The following UGT1A10 variants were observed in gnomAD, a reference collection of about 807,000 sequenced individuals.
UGT1A10 encodes UDP glucuronosyltransferase family 1 member A10.
A neutral mutation model predicts 45.8 loss-of-function variants in UGT1A10; 49 were observed. The observed-to-expected ratio is 1.07, with a 90% CI of 0.85 to 1.36. UGT1A10 has a LOEUF of 1.36. Among genes scored for constraint, UGT1A10 ranks in the 40% most tolerant of loss-of-function variants. The pLI is 0.00. For synonymous variants in UGT1A10, 284 were observed against 249.7 expected (o/e 1.14, Z -1.29); for missense variants, 745 against 668.6 (o/e 1.11, Z -1.26).
At chr2:233,666,480 C>G (rs981169265) in intron 1 of UGT1A10, among the ~76,000 whole-genome samples, 3 of 152,122 alleles carry the variant, frequency 2.0e-5, no homozygotes, top group Admixed American at 1.3e-4. Context: ...TGTTTGCCAT[C>G]TGTGTACCTT....
intron 1 of UGT1A10, chr2:233,744,024 G>T: frequency 1.1e-6 from 1 of 951,358 alleles, no homozygotes; most frequent in Non-Finnish European, 1.4e-6. Flanking sequence ...CTGGAGAGAC[G>T]CCCCTTATGA....
intron 1 of UGT1A10, among the ~76,000 whole-genome samples, chr2:233,724,143 G>C: frequency 8.2e-6 from 1 of 122,326 alleles, no homozygotes; most frequent in African/African-American, 3.7e-5. Flanking sequence ...GGACGGGGCG[G>C]CTGGCCGGGT....
chr2:233,647,302 T>C (rs140647999), intron 1 of UGT1A10, among the ~76,000 whole-genome samples: 1 of 152,356 alleles, frequency 6.6e-6, no homozygotes, highest in African/African-American at 2.4e-5. Flanking sequence ...GCTGAAATAT[T>C]GTTTTACATT....
chr2:233,762,622 T>C (rs772893097), intron 1 of UGT1A10, among the ~76,000 whole-genome samples: 2 of 152,196 alleles, frequency 1.3e-5, no homozygotes, highest in African/African-American at 4.8e-5. Context: ...TGTTGTGACC[T>C]CAAACACTTC....
intron 1 of UGT1A10, among the ~76,000 whole-genome samples, chr2:233,724,591 T>C (rs2077285744): frequency 8.2e-6 from 1 of 122,228 alleles, no homozygotes; most frequent in Non-Finnish European, 1.7e-5. Context: ...TCCCCACATC[T>C]CAGACGATGG....
At chr2:233,693,466 C>T in intron 1 of UGT1A10, 1 of 1,614,120 alleles carries the variant, frequency 6.2e-7, no homozygotes, top group Middle Eastern at 1.6e-4. Flanking sequence ...CAGCCTTACC[C>T]TGTGGGGTGA....
intron 1 of UGT1A10, among the ~76,000 whole-genome samples, chr2:233,710,321 A>G (rs944922303): frequency 1.3e-5 from 2 of 152,202 alleles, no homozygotes; most frequent in African/African-American, 4.8e-5. Context: ...TGTATGTATG[A>G]CTTCATAAGA....
intron 1 of UGT1A10, chr2:233,729,362 C>G (rs777664797): frequency 6.2e-7 from 1 of 1,614,044 alleles, no homozygotes; most frequent in Non-Finnish European, 8.5e-7. Context: ...ACCCTGACAA[C>G]CTATGCCATT....
chr2:233,659,085 A>G (rs542141206), intron 1 of UGT1A10, among the ~76,000 whole-genome samples: 1 of 152,314 alleles, frequency 6.6e-6, no homozygotes, highest in Admixed American at 6.5e-5. Context: ...ACATATCTCT[A>G]TATTCAGATC....
chr2:233,752,978 A>G (rs961719654), intron 1 of UGT1A10, among the ~76,000 whole-genome samples: 31 of 152,180 alleles, frequency 2.0e-4, no homozygotes, highest in Middle Eastern at 3.2e-3. Flanking sequence ...AATTGTGTAG[A>G]TACAAACCCA....
chr2:233,765,059 C>A (rs917650453), intron 1 of UGT1A10, among the ~76,000 whole-genome samples: 1 of 152,076 alleles, frequency 6.6e-6, no homozygotes, highest in African/African-American at 2.4e-5. Context: ...TGAGCCCTGT[C>A]AGAGGTCTCC....
At chr2:233,734,842 C>T (rs1375644897) in intron 1 of UGT1A10, among the ~76,000 whole-genome samples, 1 of 152,178 alleles carries the variant, frequency 6.6e-6, no homozygotes, top group Non-Finnish European at 1.5e-5. Flanking sequence ...GTTTCTTAAT[C>T]CAGAGTTCTA....
intron 1 of UGT1A10, chr2:233,682,602 A>AT (rs1476036720): frequency 6.2e-7 from 1 of 1,613,674 alleles, no homozygotes; most frequent in African/African-American, 1.3e-5. Flanking sequence ...TTTTGCCCCT[A>AT]TTTTTTCAAA....
chr2:233,702,766 T>C (rs898157603), intron 1 of UGT1A10, among the ~76,000 whole-genome samples: 6 of 152,248 alleles, frequency 3.9e-5, no homozygotes, highest in East Asian at 1.9e-4. Context: ...TATGTGTTAA[T>C]TGATTTGCAG....
intron 1 of UGT1A10, chr2:233,693,983 G>A (rs1179737646): frequency 9.7e-6 from 15 of 1,552,110 alleles, no homozygotes; most frequent in African/African-American, 1.4e-5. Context: ...ACGGTGGGGG[G>A]AAGTGATACC....
rs2073533993 is a variant in UGT1A10, at chr2:233,644,044, G to C, written c.855+6667G>C. 3.3e-5 allele frequency among the ~76,000 whole-genome samples: 5 copies of C among 152,120 alleles called. No homozygotes were observed. The South Asian group carries it at 1.0e-3, about 32-fold the overall frequency. ...GGAGGAGTGATGTCGGTACTCCCTT[G>C]GCTGCTTCAGCTAGTGTTTCAGTAT... On this transcript the variant is annotated intron_variant, in intron 1 of 4. Coordinates refer to ENST00000344644, the MANE Select transcript of UGT1A10 (RefSeq NM_019075.4).
intron 1 of UGT1A10, among the ~76,000 whole-genome samples, chr2:233,687,425 G>A (rs1234842882): frequency 6.6e-6 from 1 of 151,954 alleles, no homozygotes; most frequent in Non-Finnish European, 1.5e-5. Context: ...GGCTTACCGT[G>A]TACCAGGTGC....
intron 1 of UGT1A10, among the ~76,000 whole-genome samples, chr2:233,662,532 G>T (rs371005016): frequency 1.2e-4 from 19 of 152,168 alleles, no homozygotes; most frequent in African/African-American, 3.9e-4. Context: ...CTTGGAGGTT[G>T]TTGTAGAGTT....
At chr2:233,754,017 T>C (rs1254861079) in intron 1 of UGT1A10, among the ~76,000 whole-genome samples, 1 of 152,250 alleles carries the variant, frequency 6.6e-6, no homozygotes, top group African/African-American at 2.4e-5. Flanking sequence ...ACAGCCATGA[T>C]AGGAAACGAA....
Sources: gnomAD v4.1 joint callset for allele counts (sites outside exome capture counted in the v4.1 genomes callset) on GRCh38, gnomAD v4.1.1 for gene constraint, MANE v1.5 for transcripts, NCBI Gene and HGNC (gene_info 2026-07-23, HGNC 2026-07-21) for gene names.